Variants in OLFM2 observed in about 807,000 individuals in gnomAD.
OLFM2 encodes olfactomedin 2.
In OLFM2, 20 loss-of-function variants were observed where a neutral mutation model predicts 43.9. That is an observed-to-expected ratio of 0.46 (90% CI 0.32 to 0.66). The LOEUF (loss-of-function observed/expected upper bound fraction) is 0.66, where lower values mean the gene tolerates loss of function less well. Among genes scored for constraint, OLFM2 ranks in the 30% least tolerant of loss-of-function variants. The pLI is 0.04. For missense variants in OLFM2, 416 were observed against 643.6 expected (o/e 0.65, Z 3.83); for synonymous variants, 268 against 278.6 (o/e 0.96, Z 0.38).
rs117569689 is a variant in OLFM2, at chr19:9,863,540, A to G, written c.64-2746T>C. ...CCAGGATGCATTCTGACAGGCATGG[A>G]AGAAATTCTGATTAAAAAAACCCCA... On this transcript the variant is annotated intron_variant, in intron 1 of 5. Coordinates refer to ENST00000264833, the MANE Select transcript of OLFM2 (RefSeq NM_058164.4). Among the ~76,000 whole-genome samples, 163 of 152,082 alleles carry G rather than the reference A, an allele frequency of 1.1e-3. 3 individuals are homozygous for G. The East Asian group carries it at 0.03, about 28-fold the overall frequency.
At chr19:9,922,312 GA>G (rs1221012303) in intron 1 of OLFM2, among the ~76,000 whole-genome samples, 1 of 151,790 alleles carries the variant, frequency 6.6e-6, no homozygotes, top group Non-Finnish European at 1.5e-5. Context: ...AAATCAGTAA[GA>G]AAAAACCAGA....
chr19:9,911,838 A>G (rs11670657), intron 1 of OLFM2, among the ~76,000 whole-genome samples: 95,539 of 152,014 alleles, frequency 0.63, 30,336 homozygotes, highest in African/African-American at 0.69. Context: ...TTTCAATGAG[A>G]TACCATCTCT....
intron 1 of OLFM2, among the ~76,000 whole-genome samples, chr19:9,868,486 C>T (rs1252381215): frequency 2.6e-5 from 4 of 152,036 alleles, no homozygotes; most frequent in South Asian, 4.2e-4. Context: ...GGATTACAGG[C>T]GTGAGGCACT....
intron 1 of OLFM2, among the ~76,000 whole-genome samples, chr19:9,896,803 ATCATCACC>A (rs1177565311): frequency 6.6e-6 from 1 of 152,148 alleles, no homozygotes; most frequent in African/African-American, 2.4e-5. Flanking sequence ...CAACTACATA[ATCATCACC>A]TACCTCCCTG....
chr19:9,932,588 G>C (rs1227012093), intron 1 of OLFM2, among the ~76,000 whole-genome samples: 1 of 152,072 alleles, frequency 6.6e-6, no homozygotes, highest in African/African-American at 2.4e-5. Flanking sequence ...CATTTAAGCA[G>C]AAATCAGAGA....
chr19:9,854,176 C>A lies in OLFM2; in HGVS notation c.*10G>T, dbSNP rs768471217. 32 of 1,613,520 alleles carry A rather than the reference C, an allele frequency of 2.0e-5. No homozygotes were observed. Among genetic ancestry groups the A allele is most frequent in the African/African-American group, 2.7e-5 (2 of 74,904 alleles). ...GCCCCCCAGGCAGCAGCCCGAGCCA[C>A]AGCATTGGCTCAGGGGTCCCCAGAG... is the stretch of plus-strand genomic sequence containing the variant. On this transcript the variant is annotated 3_prime_UTR_variant, in exon 6 of 6. Coordinates refer to ENST00000264833, the MANE Select transcript of OLFM2 (RefSeq NM_058164.4). The surrounding 1 kb of genome is among the most constrained non-coding windows in gnomAD (Gnocchi z 9.5).
intron 1 of OLFM2, chr19:9,913,655 C>A (rs1234872936): frequency 8.4e-7 from 1 of 1,189,810 alleles, no homozygotes; most frequent in Non-Finnish European, 1.0e-6. Context: ...GCCCGCCGCG[C>A]GTCCCTTCTC....
chr19:9,898,749 T>A (rs2046707247), intron 1 of OLFM2, among the ~76,000 whole-genome samples: 1 of 152,134 alleles, frequency 6.6e-6, no homozygotes, highest in Admixed American at 6.5e-5. Flanking sequence ...CTTCCCCCAA[T>A]TCATCACATC....
chr19:9,859,467 C>A (rs2046350182), intron 2 of OLFM2, among the ~76,000 whole-genome samples: 1 of 152,168 alleles, frequency 6.6e-6, no homozygotes, highest in South Asian at 2.1e-4. Flanking sequence ...CAGGCACACA[C>A]CACCACGCCC....
At chr19:9,891,638 T>C (rs1244680170) in intron 1 of OLFM2, among the ~76,000 whole-genome samples, 2 of 148,488 alleles carry the variant, frequency 1.3e-5, no homozygotes, top group East Asian at 2.0e-4. Context: ...AAAAAGTGCA[T>C]GTTGGTATGA....
At chr19:9,883,869 T>C (rs2046562263) in intron 1 of OLFM2, among the ~76,000 whole-genome samples, 1 of 152,138 alleles carries the variant, frequency 6.6e-6, no homozygotes, top group Admixed American at 6.5e-5. Context: ...TTAAGCCTCA[T>C]GGTGCGCCAG....
chr19:9,860,810 G>A lies in OLFM2; in HGVS notation c.64-16C>T, dbSNP rs771657724. On this transcript the variant is annotated splice_polypyrimidine_tract_variant and intron_variant, in intron 1 of 5. Coordinates refer to ENST00000264833, the MANE Select transcript of OLFM2 (RefSeq NM_058164.4). ...GGAAGAGAGTCTGCAAAGAGGTGGGGGTCAGAGACCGGAATCCCAGTGAGG... is the reference window on the plus strand; with the variant it reads ...GGAAGAGAGTCTGCAAAGAGGTGGGAGTCAGAGACCGGAATCCCAGTGAGG... 6.3e-7 allele frequency: 1 copy of A among 1,596,188 alleles called. No individual in the cohort carries two copies. The highest frequency in any genetic ancestry group is 1.1e-5 in the South Asian group (1 of 89,534).
At chr19:9,867,136 G>C (rs867253623) in intron 1 of OLFM2, among the ~76,000 whole-genome samples, 1 of 152,092 alleles carries the variant, frequency 6.6e-6, no homozygotes, top group Non-Finnish European at 1.5e-5. Context: ...TTTGGGAGGT[G>C]AAGGTGGGCG....
intron 1 of OLFM2, among the ~76,000 whole-genome samples, chr19:9,889,807 T>C (rs1183100457): frequency 6.6e-6 from 1 of 152,136 alleles, no homozygotes; most frequent in African/African-American, 2.4e-5. Flanking sequence ...GGGGAGGCTC[T>C]GTGAGCTTTG....
chr19:9,866,470 G>A (rs2145440328), intron 1 of OLFM2, among the ~76,000 whole-genome samples: 1 of 151,636 alleles, frequency 6.6e-6, no homozygotes, highest in East Asian at 1.9e-4. Context: ...CCTCGGATGT[G>A]GCAGATGTAC....
At chr19:9,889,820 TG>T (rs2046622253) in intron 1 of OLFM2, among the ~76,000 whole-genome samples, 2 of 152,026 alleles carry the variant, frequency 1.3e-5, no homozygotes, top group Non-Finnish European at 2.9e-5. Flanking sequence ...GAGCTTTGGA[TG>T]GGGCTGGAGC....
chr19:9,865,998 G>C (rs867844583), intron 1 of OLFM2, among the ~76,000 whole-genome samples: 2 of 152,100 alleles, frequency 1.3e-5, no homozygotes, highest in African/African-American at 4.8e-5. Context: ...TAGCGTGTCC[G>C]TTGAAGCAAA....
chr19:9,875,635 C>T (rs1405958250), intron 1 of OLFM2, among the ~76,000 whole-genome samples: 2 of 147,752 alleles, frequency 1.4e-5, no homozygotes, highest in African/African-American at 5.0e-5. Flanking sequence ...GGACCACAGG[C>T]ACTTACCAGC....
chr19:9,929,306 A>C (rs1033046785), intron 1 of OLFM2, among the ~76,000 whole-genome samples: 3 of 152,064 alleles, frequency 2.0e-5, no homozygotes, highest in African/African-American at 4.8e-5. Context: ...CTAAATGAAT[A>C]CATGGGCCGG....
Sources: gnomAD v4.1 joint callset for allele counts (sites outside exome capture counted in the v4.1 genomes callset) on GRCh38, gnomAD v4.1.1 for gene constraint, Gnocchi (gnomAD v3.1) non-coding constraint, MANE v1.5 for transcripts, NCBI Gene and HGNC (gene_info 2026-07-23, HGNC 2026-07-21) for gene names.